Variants in FXN observed in about 807,000 individuals in gnomAD.
The protein encoded by FXN is frataxin, mitochondrial.
In FXN, 14 loss-of-function variants were observed where a neutral mutation model predicts 22.4. The observed-to-expected ratio is 0.62, with a 90% CI of 0.41 to 0.98. The LOEUF is 0.98. Ranked by LOEUF, FXN falls within the 50% of genes least tolerant of loss-of-function variation. The pLI, the probability that FXN is intolerant of heterozygous loss-of-function variation, is 0.00. For missense variants in FXN, 267 were observed against 268.4 expected (o/e 0.99, Z 0.04); for synonymous variants, 120 against 114.1 (o/e 1.05, Z -0.33).
At chr9:69,054,457 T>G (rs1262675054) in intron 3 of FXN, among the ~76,000 whole-genome samples, 1 of 152,210 alleles carries the variant, frequency 6.6e-6, no homozygotes, top group Non-Finnish European at 1.5e-5. Context: ...AGTTCTTTTT[T>G]GCCAGTGGGA....
At position 69,076,606 on chromosome 9, in the gene FXN, A is replaced by G. The variant is rs1832373485; in HGVS notation, c.*3844A>G. ...TGCTTTATCCAGCTATACCTGCCCC[A>G]AATTCTGACAGATGCTTTTGCCACC... On this transcript the variant is annotated 3_prime_UTR_variant, in exon 5 of 5. Coordinates refer to ENST00000484259, the MANE Select transcript of FXN (RefSeq NM_000144.5). 1 of 985,464 alleles carries G rather than the reference A, an allele frequency of 1.0e-6. No individual in the cohort carries two copies. Among genetic ancestry groups the G allele is most frequent in the Non-Finnish European group, 1.2e-6 (1 of 829,930 alleles). The allele number at this position is 985,464 out of a possible 1,614,324, so 61.0% of individuals were successfully genotyped here.
At chr9:69,044,098 G>A (rs978960586) in intron 1 of FXN, among the ~76,000 whole-genome samples, 4 of 152,130 alleles carry the variant, frequency 2.6e-5, no homozygotes, top group Non-Finnish European at 5.9e-5. Context: ...TATATTGATC[G>A]ATTGGTAACA....
rs370878136 is a variant in FXN, at chr9:69,050,941, C to T, written c.264-2199C>T. Among the ~76,000 whole-genome samples, 61 of 152,148 alleles carry T rather than the reference C, an allele frequency of 4.0e-4. No homozygotes were observed. In the South Asian group the frequency reaches 8.3e-3, roughly 21 times the overall value. ...GATTACAGGCATGCGCCACTATGCC[C>T]GGCTAATTTTGTATTTTTAGTAGAG... is the stretch of plus-strand genomic sequence containing the variant. On this transcript the variant is annotated intron_variant, in intron 2 of 4. Coordinates refer to ENST00000484259, the MANE Select transcript of FXN (RefSeq NM_000144.5).
intron 1 of FXN, among the ~76,000 whole-genome samples, chr9:69,045,842 A>T: frequency 6.8e-6 from 1 of 147,870 alleles, no homozygotes; most frequent in East Asian, 2.1e-4. Context: ...GTGCAAGGGC[A>T]AGTGGGGGGG....
chr9:69,053,041 C>A, intron 2 of FXN, 99 bp from the exon 3 acceptor site: 8 of 1,222,524 alleles, frequency 6.5e-6, no homozygotes, highest in Non-Finnish European at 7.8e-6. Context: ...ATGTTATTTT[C>A]ATCAATTTAA....
chr9:69,046,364 C>T (rs1402159181), intron 1 of FXN, 21 bp from the exon 2 acceptor site: 2 of 1,580,128 alleles, frequency 1.3e-6, no homozygotes, highest in African/African-American at 1.3e-5. Flanking sequence ...TAGTAACGTA[C>T]TTCTTAACTT....
At chr9:69,041,584 C>T (rs1831657070) in intron 1 of FXN, among the ~76,000 whole-genome samples, 2 of 152,184 alleles carry the variant, frequency 1.3e-5, no homozygotes, top group Non-Finnish European at 2.9e-5. Flanking sequence ...GTGGTGGTGC[C>T]AGTTCATCCT....
rs750131585 is a variant in FXN at position 69,072,605 on chromosome 9, C to T, written c.483-7C>T. 3.0e-5 allele frequency: 48 copies of T among 1,613,944 alleles called. No individual in the cohort carries two copies. Among genetic ancestry groups the T allele is most frequent in the Non-Finnish European group, 4.0e-5 (47 of 1,180,022 alleles). On this transcript the variant is annotated splice_region_variant and splice_polypyrimidine_tract_variant and intron_variant, in intron 4 of 4. Transcript: ENST00000484259. Reference sequence around the variant, plus strand: ...TGGAATTACTATGCATTTGTTTTGTCTTCCAGTGGACCTAAGCGTTATGAC... The same window carrying T: ...TGGAATTACTATGCATTTGTTTTGTTTTCCAGTGGACCTAAGCGTTATGAC...
chr9:69,036,158 C>A, intron 1 of FXN: 1 of 330,286 alleles, frequency 3.0e-6, no homozygotes, highest in Non-Finnish European at 5.2e-6. Flanking sequence ...CTTCTGCTTT[C>A]CGAAGGAAAA....
rs967150624 is a variant in FXN at position 69,076,910 on chromosome 9, G to A, written c.*4148G>A. On this transcript the variant is annotated 3_prime_UTR_variant, in exon 5 of 5. Transcript: ENST00000484259. ...ACGAGTTCATGACTTTGTGTATAGA[G>A]TAAGAAATGCCTTTTCTTTTTTGAG... 1.0e-5 allele frequency: 10 copies of A among 985,174 alleles called. No individual in the cohort carries two copies. The Admixed American group carries it at 1.8e-4, about 18-fold the overall frequency. The allele number at this position is 985,174 out of a possible 1,614,324, so 61.0% of individuals were successfully genotyped here. A position where few individuals can be genotyped will look rare whatever the true frequency, so the allele number is the denominator to read the frequency against.
chr9:69,060,644 T>C (rs533058886), intron 3 of FXN, among the ~76,000 whole-genome samples: 2 of 152,156 alleles, frequency 1.3e-5, no homozygotes, highest in East Asian at 3.9e-4. Flanking sequence ...CCTTCCAAAA[T>C]AGTTTCAAGA....
intron 2 of FXN, among the ~76,000 whole-genome samples, chr9:69,046,764 A>G (rs555709942): frequency 2.6e-5 from 4 of 152,330 alleles, no homozygotes; most frequent in Admixed American, 6.5e-5. Context: ...TGCTATCACA[A>G]ATAGACCCAA....
intron 1 of FXN, among the ~76,000 whole-genome samples, chr9:69,041,460 T>C (rs1235986484): frequency 6.6e-6 from 1 of 152,244 alleles, no homozygotes; most frequent in Non-Finnish European, 1.5e-5. Flanking sequence ...GTTGTTACGA[T>C]GGTGCTGCTG....
intron 3 of FXN, among the ~76,000 whole-genome samples, chr9:69,060,728 G>C (rs1182737781): frequency 1.3e-5 from 2 of 152,220 alleles, no homozygotes; most frequent in Non-Finnish European, 2.9e-5. Flanking sequence ...TTTCTGCCCT[G>C]TGTAACCTTG....
In FXN at chr9:69,075,848, G is replaced by A; in HGVS notation, c.*3086G>A. On this transcript the variant is annotated 3_prime_UTR_variant, in exon 5 of 5. Transcript: ENST00000484259. Reference sequence around the variant, plus strand: ...CTGGGCTTGGGCAATCCTCCCACAGGTGTGCACCTCCATAGCTGGCTAATT... The same window carrying A: ...CTGGGCTTGGGCAATCCTCCCACAGATGTGCACCTCCATAGCTGGCTAATT... 1.9e-6 allele frequency: 1 copy of A among 539,018 alleles called. No homozygotes were observed. The highest frequency in any genetic ancestry group is 2.4e-6 in the Non-Finnish European group (1 of 422,848). 33.4% of individuals were successfully genotyped at this position (539,018 alleles called of 1,614,324 possible).
intron 1 of FXN, among the ~76,000 whole-genome samples, chr9:69,037,872 G>A (rs1399262376): frequency 6.6e-5 from 10 of 152,122 alleles, no homozygotes; most frequent in African/African-American, 2.2e-4. Flanking sequence ...GGCTGGTCTC[G>A]AACTCCCAAC....
intron 2 of FXN, among the ~76,000 whole-genome samples, chr9:69,051,498 G>A (rs1462993458): frequency 6.6e-6 from 1 of 151,416 alleles, no homozygotes; most frequent in East Asian, 1.9e-4. Flanking sequence ...ATGTCTTTCA[G>A]TAAGTAAAAT....
At chr9:69,046,637 G>A (rs1399281040) in intron 2 of FXN, among the ~76,000 whole-genome samples, 155 bp downstream of exon 2, 1 of 152,176 alleles carries the variant, frequency 6.6e-6, no homozygotes, top group Admixed American at 6.5e-5. Flanking sequence ...AATAGTATTA[G>A]ATTGCATGGA....
At position 69,077,954 on chromosome 9, in the gene FXN, C is replaced by T; in HGVS notation, c.*5192C>T. The T allele has an allele frequency of 1.0e-6, 1 of 983,212 alleles. No homozygotes were observed. Among genetic ancestry groups the T allele is most frequent in the South Asian group, 4.7e-5 (1 of 21,224 alleles). 60.9% of individuals were successfully genotyped at this position (983,212 alleles called of 1,614,324 possible). A position where few individuals can be genotyped will look rare whatever the true frequency, so the allele number is the denominator to read the frequency against. ...AAAAAAATGTAATTCCCGTGTCTGC[C>T]ATCTTAAGTGTAAAGGTGGCTAAAT... On this transcript the variant is annotated 3_prime_UTR_variant, in exon 5 of 5. Transcript: ENST00000484259.
Sources: gnomAD v4.1 joint callset for allele counts (sites outside exome capture counted in the v4.1 genomes callset) on GRCh38, gnomAD v4.1.1 for gene constraint, MANE v1.5 for transcripts, NCBI Gene and HGNC (gene_info 2026-07-23, HGNC 2026-07-21) for gene names.